CDH4: variants seen among roughly 807,000 people sequenced by gnomAD.
The protein encoded by CDH4 is cadherin-4.
In CDH4, 33 loss-of-function variants were observed where a neutral mutation model predicts 86.0. The ratio of observed to expected loss-of-function variants is 0.38; its 90% CI spans 0.29 to 0.51. The LOEUF is 0.51. Among genes scored for constraint, CDH4 ranks in the 20% least tolerant of loss-of-function variants. CDH4 has a pLI of 0.86. For synonymous variants in CDH4, 555 were observed against 549.4 expected (o/e 1.01, Z -0.14); for missense variants, 1,114 against 1,307.4 (o/e 0.85, Z 2.28).
intron 2 of CDH4, among the ~76,000 whole-genome samples, chr20:61,732,991 C>T (rs1319890795): frequency 2.6e-5 from 4 of 152,132 alleles, no homozygotes; most frequent in Admixed American, 2.6e-4. Flanking sequence ...CCTAATTCTC[C>T]CCCTCTAGAC....
At chr20:61,933,885 G>T (rs1387857368) in intron 14 of CDH4, among the ~76,000 whole-genome samples, 171 bp from the exon 15 acceptor site, 1 of 152,214 alleles carries the variant, frequency 6.6e-6, no homozygotes, top group Admixed American at 6.5e-5. Context: ...AGGAGGTGGG[G>T]CATTGTGGAG....
intron 2 of CDH4, among the ~76,000 whole-genome samples, chr20:61,402,485 G>A (rs544246098): frequency 2.7e-4 from 41 of 152,184 alleles, no homozygotes; most frequent in Middle Eastern, 3.4e-3. Flanking sequence ...GCCTCCTCCC[G>A]GGTTCAAGCA....
intron 2 of CDH4, among the ~76,000 whole-genome samples, chr20:61,505,338 G>A (rs1282048734): frequency 6.6e-6 from 1 of 152,208 alleles, no homozygotes; most frequent in Admixed American, 6.5e-5. Context: ...ATGCTTCAGA[G>A]CGTTTCTAGG....
chr20:61,701,496 C>T (rs1238663882), intron 2 of CDH4, among the ~76,000 whole-genome samples: 2 of 152,184 alleles, frequency 1.3e-5, no homozygotes, highest in African/African-American at 4.8e-5. Context: ...GCTGGCAGTG[C>T]CATGGCCTCC....
intron 2 of CDH4, among the ~76,000 whole-genome samples, chr20:61,640,179 T>C (rs1027103486): frequency 1.3e-5 from 2 of 152,232 alleles, no homozygotes; most frequent in African/African-American, 2.4e-5. Flanking sequence ...CTCAAAGTCG[T>C]TGACTCTTCT....
chr20:61,504,924 A>T (rs934059984), intron 2 of CDH4, among the ~76,000 whole-genome samples: 4 of 152,188 alleles, frequency 2.6e-5, no homozygotes. Context: ...GTCTGGTTTA[A>T]TGGGGAAAAT....
chr20:61,741,199 A>T (rs1401014680), intron 2 of CDH4, among the ~76,000 whole-genome samples: 1 of 152,024 alleles, frequency 6.6e-6, no homozygotes, highest in East Asian at 1.9e-4. Context: ...GCAGAGCAAG[A>T]CTCCATCTCA....
At chr20:61,759,241 C>T (rs1387229246) in intron 3 of CDH4, among the ~76,000 whole-genome samples, 1 of 152,194 alleles carries the variant, frequency 6.6e-6, no homozygotes, top group Non-Finnish European at 1.5e-5. Context: ...ACTCCAAGGC[C>T]ATGGCTCTCA....
rs2146101860 is a variant in CDH4 at position 61,844,731 on chromosome 20, C to A, written c.640C>A (p.Gln214Lys). ...CAGCATCACGGGAGTGGGCGCCGAC[C>A]AGCCCCCCATGGAGGTCTTCAGCAT... ...RYSITGVGAD[Q>K]PPMEVFSIDS... The change falls in exon 5 of 16, where the codon CAG becomes AAG. Residue 214 changes from glutamine (Q) to lysine (K), a missense_variant. Physicochemically the swap from Gln to Lys is moderately conservative, Grantham distance 53. This residue lies in a region of CDH4 where 705 missense variants were observed against 914.1 expected (regional missense o/e 0.77). Transcript: ENST00000614565. The A allele has an allele frequency of 6.2e-7, 1 of 1,614,058 alleles. No individual in the cohort carries two copies. Among genetic ancestry groups the A allele is most frequent in the African/African-American group, 1.3e-5 (1 of 75,056 alleles).
chr20:61,288,368 C>T (rs1439682730), intron 2 of CDH4, among the ~76,000 whole-genome samples: 2 of 152,174 alleles, frequency 1.3e-5, no homozygotes, highest in East Asian at 1.9e-4. Context: ...CCCTTGACAG[C>T]CAGCGTTCAA....
chr20:61,767,984 G>A (rs942028148), intron 3 of CDH4, among the ~76,000 whole-genome samples: 7 of 152,174 alleles, frequency 4.6e-5, no homozygotes, highest in African/African-American at 9.7e-5. Flanking sequence ...GACAGTGGGC[G>A]GCTGCCTTGG....
intron 2 of CDH4, among the ~76,000 whole-genome samples, chr20:61,595,193 C>A (rs929575166): frequency 1.3e-5 from 2 of 152,256 alleles, no homozygotes; most frequent in Non-Finnish European, 2.9e-5. Context: ...CCTGAGTGAA[C>A]CTCCCTCTGC....
intron 2 of CDH4, among the ~76,000 whole-genome samples, chr20:61,571,312 G>C (rs1472916235): frequency 6.6e-6 from 1 of 152,178 alleles, no homozygotes; most frequent in African/African-American, 2.4e-5. Flanking sequence ...GCACACTCAG[G>C]TGCGTGGCTG....
chr20:61,632,826 C>T (rs1346961593), intron 2 of CDH4, among the ~76,000 whole-genome samples: 1 of 126,302 alleles, frequency 7.9e-6, no homozygotes, highest in Non-Finnish European at 1.7e-5. Context: ...CTTCCTCTTC[C>T]TCTCCTCCTC....
At chr20:61,666,309 C>G (rs747505356) in intron 2 of CDH4, among the ~76,000 whole-genome samples, 4 of 152,188 alleles carry the variant, frequency 2.6e-5, no homozygotes, top group Non-Finnish European at 4.4e-5. Flanking sequence ...GCCCTGTAGA[C>G]GAACTTGAAA....
At chr20:61,694,364 C>T (rs2087694019) in intron 2 of CDH4, among the ~76,000 whole-genome samples, 2 of 152,220 alleles carry the variant, frequency 1.3e-5, no homozygotes, top group Non-Finnish European at 2.9e-5. Context: ...CACTGCTGGA[C>T]TGTGCCCCTT....
intron 2 of CDH4, among the ~76,000 whole-genome samples, chr20:61,261,547 T>C (rs1404300947): frequency 6.6e-6 from 1 of 152,216 alleles, no homozygotes; most frequent in East Asian, 1.9e-4. Flanking sequence ...GTTCTCATTT[T>C]ATGGATCAGT....
intron 2 of CDH4, among the ~76,000 whole-genome samples, chr20:61,532,574 A>G (rs1191996601): frequency 2.6e-5 from 4 of 152,216 alleles, no homozygotes; most frequent in Non-Finnish European, 1.5e-5. Context: ...ATATCAGTGC[A>G]AAACACACAA....
At chr20:61,404,712 T>A (rs2085070533) in intron 2 of CDH4, among the ~76,000 whole-genome samples, 2 of 151,748 alleles carry the variant, frequency 1.3e-5, no homozygotes. Context: ...TGAGAATATT[T>A]AGGCTTTTTT....
Sources: allele counts gnomAD v4.1 joint callset (sites outside exome capture counted in the v4.1 genomes callset), GRCh38; gene constraint gnomAD v4.1.1; regional missense constraint gnomAD v4.1.1; transcripts MANE v1.5; gene names NCBI Gene and HGNC (gene_info 2026-07-23, HGNC 2026-07-21).